BCL11A: variants seen among roughly 807,000 people sequenced by gnomAD.
BCL11A encodes the protein B cell CLL/lymphoma 11A.
A neutral mutation model predicts 55.9 loss-of-function variants in BCL11A; 2 were observed. The observed-to-expected ratio is 0.04, with a 90% CI of 0.01 to 0.11. The LOEUF (loss-of-function observed/expected upper bound fraction) is 0.11, where lower values mean the gene tolerates loss of function less well. BCL11A is among the 10% of genes least tolerant of loss of function. BCL11A has a pLI of 1.00. For synonymous variants in BCL11A, 465 were observed against 473.4 expected (o/e 0.98, Z 0.23); for missense variants, 817 against 1,137.1 (o/e 0.72, Z 4.05).
At chr2:60,472,697 T>G (rs1032017470) in intron 2 of BCL11A, among the ~76,000 whole-genome samples, 6 of 152,224 alleles carry the variant, frequency 3.9e-5, no homozygotes, top group Admixed American at 3.3e-4. Context: ...GGAATTTAAG[T>G]CATTAAATCA....
chr2:60,467,812 A>ATG (rs1676885987), intron 3 of BCL11A, among the ~76,000 whole-genome samples: 6 of 48,222 alleles, frequency 1.2e-4, no homozygotes, highest in African/African-American at 4.9e-4. Context: ...TGGTGATGGT[A>ATG]CTGGTGGTGA....
Position 60,460,803 on chromosome 2 carries a change from G to C in BCL11A, c.2109C>G (p.Pro703=), listed in dbSNP as rs777484449. 6.8e-6 allele frequency: 11 copies of C among 1,612,810 alleles called. No homozygotes were observed. In the East Asian group the frequency reaches 1.6e-4, roughly 23 times the overall value. Reference sequence around the variant, plus strand: ...CCGAGATCCCTCCGTCCAGCTCCCCGGGCGGTGTGGAGAAGCGCAAACTCC... The same window carrying C: ...CCGAGATCCCTCCGTCCAGCTCCCCCGGCGGTGTGGAGAAGCGCAAACTCC... ...ENGSLRFSTP[P]GELDGGISGR... Residue 703 remains proline (P), a synonymous_variant, in exon 4 of 4, where the codon CCC becomes CCG. Coordinates refer to ENST00000642384, the MANE Select transcript of BCL11A (RefSeq NM_022893.4).
intron 2 of BCL11A, among the ~76,000 whole-genome samples, chr2:60,513,491 T>C (rs933269760): frequency 2.3e-4 from 35 of 152,256 alleles, no homozygotes; most frequent in Non-Finnish European, 4.7e-4. Context: ...GGTGTGGGTG[T>C]TGGGTTAGCC....
chr2:60,527,914 G>C (rs371600761), intron 2 of BCL11A: 1 of 152,242 alleles, frequency 6.6e-6, no homozygotes, highest in Non-Finnish European at 1.5e-5. Flanking sequence ...AATAGCGTCA[G>C]GGCAGCCTGT....
chr2:60,538,980 G>A (rs1174385824), intron 2 of BCL11A, among the ~76,000 whole-genome samples: 2 of 152,130 alleles, frequency 1.3e-5, no homozygotes, highest in Non-Finnish European at 2.9e-5. Flanking sequence ...AAATTCTGGT[G>A]GTGAATTGGG....
At chr2:60,476,240 C>G (rs1677587844) in intron 2 of BCL11A, among the ~76,000 whole-genome samples, 1 of 152,202 alleles carries the variant, frequency 6.6e-6, no homozygotes, top group Non-Finnish European at 1.5e-5. Flanking sequence ...GGATTTCAAC[C>G]TCCTGGGACA....
intron 2 of BCL11A, among the ~76,000 whole-genome samples, chr2:60,498,207 C>T (rs187333125): frequency 6.6e-6 from 1 of 151,720 alleles, no homozygotes; most frequent in African/African-American, 2.4e-5. Context: ...CTTAAGGTGA[C>T]CCAGCAGCCC....
At chr2:60,499,218 C>T (rs1679132363) in intron 2 of BCL11A, among the ~76,000 whole-genome samples, 1 of 152,182 alleles carries the variant, frequency 6.6e-6, no homozygotes, top group African/African-American at 2.4e-5. Flanking sequence ...CCTGGTAGAG[C>T]AAGACAGCCA....
intron 2 of BCL11A, among the ~76,000 whole-genome samples, chr2:60,516,710 T>C (rs1300603592): frequency 6.6e-6 from 1 of 152,204 alleles, no homozygotes. Flanking sequence ...GACAAAGATC[T>C]AGCATTCCTA....
At chr2:60,478,564 C>T (rs1005354209) in intron 2 of BCL11A, among the ~76,000 whole-genome samples, 6 of 152,238 alleles carry the variant, frequency 3.9e-5, no homozygotes, top group Non-Finnish European at 8.8e-5. Flanking sequence ...AGAACCAGAA[C>T]TGGCCATTCT....
Position 60,461,354 on chromosome 2 carries a change from C to T in BCL11A, c.1558G>A (p.Glu520Lys). 1 of 1,605,006 alleles carries T rather than the reference C, an allele frequency of 6.2e-7. No homozygotes were observed. Among genetic ancestry groups the T allele is most frequent in the Non-Finnish European group, 8.5e-7 (1 of 1,179,106 alleles). The change falls in exon 4 of 4, where the codon GAG (glutamate) becomes AAG (lysine). Residue 520 changes from glutamate (E) to lysine (K), a missense_variant. Coordinates refer to ENST00000642384, the MANE Select transcript of BCL11A (RefSeq NM_022893.4). ...CTGTTCTCGTGGTGGCGCGCCGCCTCCAGGCTCAGCCCGAAGCCGTAGTCC... is the reference window on the plus strand; with the variant it reads ...CTGTTCTCGTGGTGGCGCGCCGCCTTCAGGCTCAGCCCGAAGCCGTAGTCC... ...RVDYGFGLSL[E>K]AARHHENSSR...
At chr2:60,452,698 A>T (rs778514336), downstream of BCL11A, 16 of 1,532,666 alleles carry the variant, frequency 1.0e-5, no homozygotes, top group African/African-American at 4.1e-5. Context: ...AGGAGGGGGA[A>T]AAAAAAAGTA....
intron 2 of BCL11A, among the ~76,000 whole-genome samples, chr2:60,531,161 G>GAA (rs534951911): frequency 1.5e-5 from 2 of 137,216 alleles, no homozygotes; most frequent in Admixed American, 7.3e-5. Flanking sequence ...AGAAATTAGA[G>GAA]AAAAAAAAAA....
rs993593936 is a variant in BCL11A, at chr2:60,458,735, A to G, written c.*1669T>C. 4.8e-6 allele frequency: 5 copies of G among 1,032,968 alleles called. No individual in the cohort carries two copies. In the African/African-American group the frequency reaches 8.4e-5, roughly 17 times the overall value. The allele number at this position is 1,032,968 out of a possible 1,614,324, so 64.0% of individuals were successfully genotyped here. A position where few individuals can be genotyped will look rare whatever the true frequency, so the allele number is the denominator to read the frequency against. On this transcript the variant is annotated 3_prime_UTR_variant, in exon 4 of 4. Coordinates refer to ENST00000642384, the MANE Select transcript of BCL11A (RefSeq NM_022893.4). ...ATTGTACAGTGCACTTAATTGTCCT[A>G]TCTGAGCAGGTTTATTTTATACTCA...
intron 2 of BCL11A, chr2:60,526,122 G>A (rs1214417540): frequency 6.6e-6 from 1 of 152,148 alleles, no homozygotes; most frequent in African/African-American, 2.4e-5. Flanking sequence ...ATATAAAACA[G>A]GCATGGTTTC....
chr2:60,452,458 A>G (rs1675762632), downstream of BCL11A: 6 of 851,990 alleles, frequency 7.0e-6, no homozygotes, highest in Admixed American at 1.8e-5. Flanking sequence ...CTGTCTTCGC[A>G]CAACGGCTTC....
At chr2:60,544,714 A>T (rs1422276036) in intron 2 of BCL11A, 1 of 152,210 alleles carries the variant, frequency 6.6e-6, no homozygotes, top group African/African-American at 2.4e-5. Context: ...CATGATATGC[A>T]CTACCTTTCC....
chr2:60,481,434 A>G (rs1291042639), intron 2 of BCL11A, among the ~76,000 whole-genome samples: 1 of 152,072 alleles, frequency 6.6e-6, no homozygotes, highest in Non-Finnish European at 1.5e-5. Flanking sequence ...GCTTTAACGC[A>G]CTACACCCCA....
At chr2:60,516,132 T>A (rs1668717431) in intron 2 of BCL11A, among the ~76,000 whole-genome samples, 1 of 152,170 alleles carries the variant, frequency 6.6e-6, no homozygotes, top group South Asian at 2.1e-4. Context: ...CAGCTTTGGG[T>A]GCTCTAAGAT....
Sources: allele counts gnomAD v4.1 joint callset (sites outside exome capture counted in the v4.1 genomes callset), GRCh38; gene constraint gnomAD v4.1.1; transcripts MANE v1.5; gene names NCBI Gene and HGNC (gene_info 2026-07-23, HGNC 2026-07-21).